EBF2: variants seen among roughly 807,000 people sequenced by gnomAD.
EBF2 encodes EBF transcription factor 2.
A neutral mutation model predicts 72.8 loss-of-function variants in EBF2; 21 were observed. The ratio of observed to expected loss-of-function variants is 0.29; its 90% CI spans 0.20 to 0.42. The LOEUF (loss-of-function observed/expected upper bound fraction) is 0.42. EBF2 is among the 10% of genes least tolerant of loss of function. The pLI is 1.00. For synonymous variants in EBF2, 299 were observed against 274.2 expected (o/e 1.09, Z -0.89); for missense variants, 637 against 731.2 (o/e 0.87, Z 1.49).
At chr8:25,875,441 C>T (rs1291268707) in intron 10 of EBF2, among the ~76,000 whole-genome samples, 2 of 152,198 alleles carry the variant, frequency 1.3e-5, no homozygotes, top group African/African-American at 4.8e-5. Context: ...CTCTTCTATA[C>T]AACAGACTGC....
intron 1 of EBF2, among the ~76,000 whole-genome samples, chr8:26,043,114 T>C (rs572467505): frequency 8.5e-5 from 13 of 152,358 alleles, no homozygotes; most frequent in African/African-American, 3.1e-4. Flanking sequence ...AAACCCAAGT[T>C]GGGGGACCCG....
intron 14 of EBF2, among the ~76,000 whole-genome samples, chr8:25,852,308 GAAAAAATCCAAAAGC>G (rs941777440): frequency 7.9e-5 from 12 of 151,890 alleles, no homozygotes; most frequent in African/African-American, 2.7e-4. Flanking sequence ...TAGTGAAATA[GAAAAAATCCAAAAGC>G]AAAAAATCCC....
chr8:26,033,235 T>C, intron 5 of EBF2, 82 bp from the exon 6 acceptor site: 2 of 1,401,306 alleles, frequency 1.4e-6, no homozygotes, highest in Non-Finnish European at 2.0e-6. Flanking sequence ...GAACATTTTT[T>C]CCCCCCAGAC....
At chr8:25,877,264 A>T (rs1284368303) in intron 10 of EBF2, among the ~76,000 whole-genome samples, 5 of 152,162 alleles carry the variant, frequency 3.3e-5, no homozygotes, top group Admixed American at 6.5e-5. Flanking sequence ...CCCTACTAGG[A>T]TTATTTTTCT....
chr8:25,983,100 G>C (rs565771231), intron 6 of EBF2, among the ~76,000 whole-genome samples: 1 of 152,066 alleles, frequency 6.6e-6, no homozygotes, highest in East Asian at 1.9e-4. Flanking sequence ...GCACGAGCAC[G>C]TTCAAATCAC....
At chr8:25,988,619 G>C (rs556923564) in intron 6 of EBF2, among the ~76,000 whole-genome samples, 14 of 152,300 alleles carry the variant, frequency 9.2e-5, no homozygotes, top group Admixed American at 3.3e-4. Flanking sequence ...TATAGAAATA[G>C]AAAAGTAATG....
At chr8:25,987,997 G>C (rs1010143008) in intron 6 of EBF2, among the ~76,000 whole-genome samples, 4 of 152,044 alleles carry the variant, frequency 2.6e-5, no homozygotes, top group African/African-American at 9.7e-5. Flanking sequence ...CATAACATAG[G>C]TGCATTCCAA....
chr8:26,001,456 A>C (rs1467424999), intron 6 of EBF2, among the ~76,000 whole-genome samples: 1 of 152,238 alleles, frequency 6.6e-6, no homozygotes, highest in African/African-American at 2.4e-5. Context: ...AGTTAGTCTT[A>C]GCAGATGTGC....
chr8:25,996,067 G>T (rs1436932036), intron 6 of EBF2, among the ~76,000 whole-genome samples: 2 of 152,126 alleles, frequency 1.3e-5, no homozygotes, highest in Non-Finnish European at 1.5e-5. Flanking sequence ...GCCAAAGCCT[G>T]AGACTGGCAG....
chr8:25,977,156 T>G (rs1049037621), intron 6 of EBF2, among the ~76,000 whole-genome samples: 1 of 152,178 alleles, frequency 6.6e-6, no homozygotes, highest in African/African-American at 2.4e-5. Flanking sequence ...CTGGCACGGA[T>G]CTCTGACTAT....
intron 6 of EBF2, among the ~76,000 whole-genome samples, chr8:25,984,748 G>T (rs964270653): frequency 2.0e-5 from 3 of 151,892 alleles, no homozygotes; most frequent in Non-Finnish European, 2.9e-5. Flanking sequence ...AATGAAATTT[G>T]CCCAGTATTC....
At chr8:25,978,404 ATGG>A (rs1804302138) in intron 6 of EBF2, among the ~76,000 whole-genome samples, 2 of 152,166 alleles carry the variant, frequency 1.3e-5, no homozygotes, top group Non-Finnish European at 2.9e-5. Context: ...TCCCATCAAG[ATGG>A]CTGTTAGCTG....
At chr8:25,986,433 C>T (rs1804458496) in intron 6 of EBF2, among the ~76,000 whole-genome samples, 1 of 152,166 alleles carries the variant, frequency 6.6e-6, no homozygotes, top group South Asian at 2.1e-4. Context: ...CTGTCACCCT[C>T]CCTAGATTAT....
At chr8:25,850,560 C>T in intron 15 of EBF2, 34 bp downstream of exon 15, 1 of 1,507,524 alleles carries the variant, frequency 6.6e-7, no homozygotes, top group Non-Finnish European at 8.8e-7. Flanking sequence ...CCCTATGGTA[C>T]ATTGTGTATC....
At chr8:25,992,573 C>T (rs1028800061) in intron 6 of EBF2, among the ~76,000 whole-genome samples, 1 of 151,870 alleles carries the variant, frequency 6.6e-6, no homozygotes, top group African/African-American at 2.4e-5. Context: ...CCCATCAGGC[C>T]CAAAGGCAAC....
rs553276708 is a variant in EBF2, at chr8:25,961,555, G to A, written c.552-53000C>T. On this transcript the variant is annotated intron_variant, in intron 6 of 15. Transcript: ENST00000520164. ...TTTTTGTATTTTTAGTAGGGATAGC[G>A]TTTCACCATCTTGGCCAGGCTGGTC... is the stretch of plus-strand genomic sequence containing the variant. Among the ~76,000 whole-genome samples, 27 of 152,200 alleles carry A rather than the reference G, an allele frequency of 1.8e-4. No individual in the cohort carries two copies. The South Asian group carries it at 3.9e-3, about 22-fold the overall frequency.
intron 6 of EBF2, among the ~76,000 whole-genome samples, chr8:25,959,528 T>C (rs116331672): frequency 0.014 from 2,121 of 152,288 alleles, 53 homozygotes; most frequent in African/African-American, 0.048. Context: ...TATAAGCAAA[T>C]GAATTGTGGT....
In EBF2 at chr8:25,944,162, G is replaced by A. The variant is rs143842354; in HGVS notation, c.552-35607C>T. On this transcript the variant is annotated intron_variant, in intron 6 of 15. Transcript: ENST00000520164. ...ACGGAGATAAGAGAAAAAGCATAGG[G>A]CAGGGTTCCAGCTCTGGAAGGAGCT... Among the ~76,000 whole-genome samples the A allele has an allele frequency of 8.7e-4, 132 of 152,288 alleles. 2 individuals are homozygous for A. The highest frequency in any genetic ancestry group is 3.1e-3 in the African/African-American group (127 of 41,548).
intron 10 of EBF2, among the ~76,000 whole-genome samples, chr8:25,883,910 C>G (rs1485598883): frequency 4.6e-5 from 7 of 152,126 alleles, no homozygotes; most frequent in Non-Finnish European, 7.4e-5. Context: ...CTTCTTCTTA[C>G]CCTGACCACT....
Sources: gnomAD v4.1 joint callset for allele counts (sites outside exome capture counted in the v4.1 genomes callset) on GRCh38, gnomAD v4.1.1 for gene constraint, MANE v1.5 for transcripts, NCBI Gene and HGNC (gene_info 2026-07-23, HGNC 2026-07-21) for gene names.